EPHB2: variants seen among roughly 807,000 people sequenced by gnomAD.
The protein encoded by EPHB2 is ephrin type-B receptor 2.
Under a neutral mutation model 96.4 loss-of-function variants are expected in EPHB2, and 18 were observed. That is an observed-to-expected ratio of 0.19 (90% confidence interval 0.13 to 0.28). The LOEUF is 0.28. Ranked by LOEUF, EPHB2 falls within the 10% of genes least tolerant of loss-of-function variation. The pLI is 1.00. For missense variants in EPHB2, 989 were observed against 1,355.4 expected (o/e 0.73, Z 4.25); for synonymous variants, 506 against 534.1 (o/e 0.95, Z 0.72).
At chr1:22,723,560 T>G (rs1643517590) in intron 1 of EPHB2, among the ~76,000 whole-genome samples, 1 of 152,246 alleles carries the variant, frequency 6.6e-6, no homozygotes, top group African/African-American at 2.4e-5. Context: ...CTTCTGGAGT[T>G]GAAAGGGTGA....
rs1166614824 is a variant in EPHB2 at position 22,790,559 on chromosome 1, C to T, written c.811+5483C>T. 3.3e-5 allele frequency among the ~76,000 whole-genome samples: 5 copies of T among 152,184 alleles called. No homozygotes were observed. Among genetic ancestry groups the T allele is most frequent in the African/African-American group, 1.2e-4 (5 of 41,458 alleles). ...TGAATGTTCCCCTGCCCCAGTTTCT[C>T]CAAGCCTGCCTGTCTCCAGATCCCT... On this transcript the variant is annotated intron_variant, in intron 3 of 15. Transcript: ENST00000374630. The surrounding 1 kb of genome is among the most constrained non-coding windows in gnomAD (Gnocchi z 4.0).
intron 1 of EPHB2, among the ~76,000 whole-genome samples, chr1:22,718,283 A>G (rs1338827716): frequency 1.3e-5 from 2 of 152,006 alleles, no homozygotes; most frequent in African/African-American, 4.8e-5. Context: ...TAATCTGGGA[A>G]AGGGGTAGAC....
chr1:22,814,089 G>A (rs941993756), intron 3 of EPHB2, among the ~76,000 whole-genome samples: 1 of 152,064 alleles, frequency 6.6e-6, no homozygotes, highest in African/African-American at 2.4e-5. Flanking sequence ...GGAGACTCTT[G>A]AACCTGGGAG....
chr1:22,752,708 T>A (rs1351289372), intron 1 of EPHB2, among the ~76,000 whole-genome samples: 1 of 145,394 alleles, frequency 6.9e-6, no homozygotes, highest in Non-Finnish European at 1.5e-5. Flanking sequence ...ACATTTTTAA[T>A]ATTTTAATAT....
chr1:22,736,763 T>A (rs1341242388), intron 1 of EPHB2, among the ~76,000 whole-genome samples: 1 of 152,160 alleles, frequency 6.6e-6, no homozygotes, highest in Non-Finnish European at 1.5e-5. Context: ...GAGAGGAGCC[T>A]TTTTTTCCCA....
At chr1:22,713,445 C>T (rs952509797) in intron 1 of EPHB2, among the ~76,000 whole-genome samples, 3 of 152,160 alleles carry the variant, frequency 2.0e-5, no homozygotes, top group African/African-American at 4.8e-5. Flanking sequence ...CGTTTTCCTC[C>T]CCCGTCTAGT....
chr1:22,844,276 A>G (rs1645509938), intron 3 of EPHB2, among the ~76,000 whole-genome samples: 1 of 152,240 alleles, frequency 6.6e-6, no homozygotes, highest in Admixed American at 6.5e-5. Flanking sequence ...TTATTAAAAC[A>G]GGCTTATTGC....
intron 1 of EPHB2, among the ~76,000 whole-genome samples, chr1:22,777,087 G>A (rs575531156): frequency 1.3e-5 from 2 of 152,350 alleles, no homozygotes; most frequent in East Asian, 1.9e-4. Context: ...GCTAGAGGAG[G>A]TGACCTGAGT....
At position 22,824,245 on chromosome 1, in the gene EPHB2, G is replaced by T. The variant is rs148280829; in HGVS notation, c.812-38792G>T. Among the ~76,000 whole-genome samples the T allele has an allele frequency of 2.5e-3, 373 of 151,358 alleles. 5 individuals carry two copies. Among genetic ancestry groups the T allele is most frequent in the African/African-American group, 7.5e-3 (307 of 41,200 alleles). On this transcript the variant is annotated intron_variant, in intron 3 of 15. Transcript: ENST00000374630. Reference sequence around the variant, plus strand: ...GGATAGATGGATGGAAGGAAGGAAGGTCTAACTGATGGATGGGGGAAGGAA... The same window carrying T: ...GGATAGATGGATGGAAGGAAGGAAGTTCTAACTGATGGATGGGGGAAGGAA...
chr1:22,784,318 G>A lies in EPHB2; in HGVS notation c.127-74G>A. 2 of 1,456,392 alleles carry A rather than the reference G, an allele frequency of 1.4e-6. No individual in the cohort carries two copies. Among genetic ancestry groups the A allele is most frequent in the South Asian group, 1.2e-5 (1 of 85,716 alleles). The allele number at this position is 1,456,392 out of a possible 1,614,324, so 90.2% of individuals were successfully genotyped here. On this transcript the variant is annotated intron_variant, in intron 2 of 15. Transcript: ENST00000374630. The surrounding 1 kb of genome is among the most constrained non-coding windows in gnomAD (Gnocchi z 5.1). ...GAGGGTTCCCTAAGGCAGAGTCTGT[G>A]TCTTCCACCTTAGACTGAGTGTGTG... is the stretch of plus-strand genomic sequence containing the variant.
chr1:22,912,455 C>T lies in EPHB2; in HGVS notation c.2708C>T (p.Pro903Leu), dbSNP rs539189543. ...MAPLSSGINL[P>L]LLDRTIPDYT... ...ACCCCCAACCCCAGCATCAACCTGC[C>T]GCTGCTGGACCGCACGATCCCCGAC... Residue 903 changes from proline to leucine, a missense_variant, in exon 15 of 16, where the codon CCG becomes CTG. Transcript: ENST00000374630. 2.5e-6 allele frequency: 4 copies of T among 1,614,086 alleles called. No homozygotes were observed. Among genetic ancestry groups the T allele is most frequent in the Admixed American group, 1.7e-5 (1 of 60,028 alleles).
intron 1 of EPHB2, among the ~76,000 whole-genome samples, chr1:22,780,708 C>G (rs67288087): frequency 6.6e-6 from 1 of 152,008 alleles, no homozygotes; most frequent in African/African-American, 2.4e-5. Context: ...GGCAGAGCCT[C>G]GGAAACCCAT....
At chr1:22,856,444 T>G (rs938107577) in intron 3 of EPHB2, among the ~76,000 whole-genome samples, 4 of 152,182 alleles carry the variant, frequency 2.6e-5, no homozygotes, top group African/African-American at 9.7e-5. Context: ...CTTCGAGCCC[T>G]GAGACCTGAG....
intron 1 of EPHB2, among the ~76,000 whole-genome samples, chr1:22,750,983 G>A (rs1225670512): frequency 6.6e-6 from 1 of 152,186 alleles, no homozygotes; most frequent in African/African-American, 2.4e-5. Context: ...ATTGGTGCTG[G>A]CTCTCTTCTA....
At chr1:22,908,336 A>G (rs1037763872) in intron 12 of EPHB2, among the ~76,000 whole-genome samples, 168 bp downstream of exon 12, 19 of 152,206 alleles carry the variant, frequency 1.2e-4, no homozygotes, top group Non-Finnish European at 1.0e-4. Flanking sequence ...TGCAATTCCC[A>G]CACTGGTGGG....
chr1:22,785,146 C>A, intron 3 of EPHB2, 70 bp downstream of exon 3: 3 of 1,582,822 alleles, frequency 1.9e-6, no homozygotes, highest in Non-Finnish European at 2.6e-6. Context: ...ACTCGGGCTG[C>A]AGACTTGGGC....
At chr1:22,899,484 A>G (rs1027244371) in intron 9 of EPHB2, among the ~76,000 whole-genome samples, 2 of 152,098 alleles carry the variant, frequency 1.3e-5, no homozygotes, top group South Asian at 2.1e-4. Context: ...CTAGGCAACA[A>G]GAGTGAAACT....
rs1299477934 is a variant in EPHB2, at chr1:22,738,656, A to G, written c.61+27613A>G. ...TTCATTATCGAGCCATTCATTCAGT[A>G]GCCACTTTTGGAGCCCATGTGCTGT... is the stretch of plus-strand genomic sequence containing the variant. On this transcript the variant is annotated intron_variant, in intron 1 of 15. Transcript: ENST00000374630. Among the ~76,000 whole-genome samples, 4 of 152,334 alleles carry G rather than the reference A, an allele frequency of 2.6e-5. 1 individual carries two copies. The South Asian group carries it at 6.2e-4, about 24-fold the overall frequency.
chr1:22,784,836 C>T lies in EPHB2; in HGVS notation c.571C>T (p.Arg191Cys), dbSNP rs1570271913. The stretch of plus-strand genomic sequence containing the variant: ...CGGCTGCATGTCCCTCATCGCCGTG[C>T]GTGTCTTCTACCGCAAGTGCCCCCG... The part of the protein sequence containing the change: ...YGGCMSLIAV[R>C]VFYRKCPRII... The change falls in exon 3 of 16, where the codon CGT (arginine) becomes TGT (cysteine). Residue 191 changes from arginine (R) to cysteine (C), a missense_variant. Physicochemically the swap from Arg to Cys is radical, Grantham distance 180. Coordinates refer to ENST00000374630, the MANE Select transcript of EPHB2 (RefSeq NM_017449.5). This position sits in a 1 kb window ranked among gnomAD's most constrained non-coding sequence, Gnocchi z 5.1. The T allele has an allele frequency of 2.5e-6, 4 of 1,605,356 alleles. No homozygotes were observed. The highest frequency in any genetic ancestry group is 1.1e-5 in the South Asian group (1 of 89,948).
Sources: gnomAD v4.1 joint callset for allele counts (sites outside exome capture counted in the v4.1 genomes callset) on GRCh38, gnomAD v4.1.1 for gene constraint, Gnocchi (gnomAD v3.1) non-coding constraint, MANE v1.5 for transcripts, NCBI Gene and HGNC (gene_info 2026-07-23, HGNC 2026-07-21) for gene names.